Variants in SHROOM2 observed in about 807,000 individuals in gnomAD.
SHROOM2 encodes the protein protein Shroom2.
Under a neutral mutation model 75.9 loss-of-function variants are expected in SHROOM2, and 33 were observed. The observed-to-expected ratio is 0.43, with a 90% CI of 0.33 to 0.58. SHROOM2 has a LOEUF of 0.58. SHROOM2 is among the 20% of genes least tolerant of loss of function. The pLI, the probability that SHROOM2 is intolerant of heterozygous loss-of-function variation, is 0.04. For missense variants in SHROOM2, 1,434 were observed against 1,461.2 expected, an observed-to-expected ratio of 0.98 and a Z score of 0.30; for synonymous variants, 655 against 663.6, an observed-to-expected ratio of 0.99 and a Z score of 0.20.
Position 9,937,303 on chromosome X carries a change from T to C in SHROOM2, c.3757T>C (p.Ser1253Pro). The C allele has an allele frequency of 8.3e-7, 1 of 1,208,829 alleles. No homozygotes were observed. The highest frequency in any genetic ancestry group is 3.0e-5 in the East Asian group (1 of 33,637). ...AGACCAGATCAAGACGCTGAGCACA[T>C]CTGAGCAGTTCTACTCGCGCTTCTG... ...EKDQIKTLST[S>P]EQFYSRFCLY... The change falls in exon 7 of 10, where the codon TCT becomes CCT. Residue 1253 changes from serine (S) to proline (P), a missense_variant. By Grantham distance (74) the Ser-to-Pro change is moderately conservative (BLOSUM62 -1). Around this residue, in one of 3 missense-constraint regions of SHROOM2, gnomAD observed 1,340 missense variants for 1,338.3 expected, o/e 1.00. Coordinates refer to ENST00000380913, the MANE Select transcript of SHROOM2 (RefSeq NM_001649.4).
chrX:9,917,330 A>G (rs974116271), intron 5 of SHROOM2, among the ~76,000 whole-genome samples: 2 of 111,454 alleles, frequency 1.8e-5, no homozygotes, highest in Admixed American at 9.6e-5. Context: ...TGATGTTTTT[A>G]TGTTCATTTT....
chrX:9,889,444 C>T (rs1159246426), intron 2 of SHROOM2, among the ~76,000 whole-genome samples: 2 of 112,363 alleles, frequency 1.8e-5, no homozygotes, highest in Non-Finnish European at 3.8e-5. Flanking sequence ...GCTGTCAGTT[C>T]TGTCCCAAAT....
chrX:9,923,445 A>C (rs1046043445), intron 5 of SHROOM2, among the ~76,000 whole-genome samples: 1 of 112,714 alleles, frequency 8.9e-6, no homozygotes, highest in Non-Finnish European at 1.9e-5. Context: ...GAAGTGGGTA[A>C]GAAAGTGGGA....
chrX:9,937,144 G>C lies in SHROOM2; in HGVS notation c.3598G>C (p.Val1200Leu). 2.5e-6 allele frequency: 3 copies of C among 1,194,336 alleles called. No homozygotes were observed. The highest frequency in any genetic ancestry group is 2.3e-6 in the Non-Finnish European group (2 of 886,634). ...QDEDSTRIER[V>L]MDNNTTVKMV... ...CTGTTCATCTTCCAGAATTGAGCGG[G>C]TGATGGACAACAACACCACGGTGAA... The change falls in exon 7 of 10, where the codon GTG becomes CTG. Residue 1200 changes from valine to leucine, a missense_variant. By Grantham distance (32) the Val-to-Leu change is conservative. Transcript: ENST00000380913.
At chrX:9,792,297 TG>T (rs1313653760) in intron 1 of SHROOM2, among the ~76,000 whole-genome samples, 2 of 110,714 alleles carry the variant, frequency 1.8e-5, no homozygotes. Context: ...AGCTTCTCTT[TG>T]GGGGAACATG....
intron 3 of SHROOM2, among the ~76,000 whole-genome samples, chrX:9,891,922 TG>T (rs1220782395): frequency 9.1e-6 from 1 of 110,251 alleles, no homozygotes; most frequent in Non-Finnish European, 1.9e-5. Context: ...GGTATGTGTC[TG>T]TGTTTGGAGC....
intron 1 of SHROOM2, among the ~76,000 whole-genome samples, chrX:9,804,785 G>A (rs1043386278): frequency 7.2e-5 from 8 of 111,672 alleles, no homozygotes; most frequent in African/African-American, 2.6e-4. Context: ...CCAGTCTGGA[G>A]CCCTGGAGGG....
Position 9,894,468 on chromosome X carries a change from G to A in SHROOM2, c.560G>A (p.Arg187His), listed in dbSNP as rs746506810. 2.5e-6 allele frequency: 3 copies of A among 1,210,946 alleles called. No homozygotes were observed. The highest frequency in any genetic ancestry group is 3.4e-6 in the Non-Finnish European group (3 of 895,375). Reference protein sequence around the residue: ...SVDSLDHPSSRLSVAKSNSSI... With the variant: ...SVDSLDHPSSHLSVAKSNSSI... ...GACAGCCTGGACCACCCCTCCAGTC[G>A]CCTCTCGGTGGCCAAGTCCAACAGC... Residue 187 changes from arginine (R) to histidine (H), a missense_variant, in exon 4 of 10, where the codon CGC (arginine) becomes CAC (histidine). Arg to His is a conservative substitution (Grantham distance 29). Transcript: ENST00000380913.
intron 8 of SHROOM2, among the ~76,000 whole-genome samples, chrX:9,940,602 G>A (rs922426111): frequency 8.9e-6 from 1 of 112,087 alleles, no homozygotes; most frequent in Non-Finnish European, 1.9e-5. Flanking sequence ...ATGACTCAGC[G>A]GTCCTGTTTT....
chrX:9,941,029 A>G (rs2084764031), intron 8 of SHROOM2, among the ~76,000 whole-genome samples: 1 of 112,143 alleles, frequency 8.9e-6, no homozygotes, highest in African/African-American at 3.2e-5. Flanking sequence ...ATATGGTTTT[A>G]TACTTGGGGC....
At chrX:9,819,565 A>G (rs2083841374) in intron 1 of SHROOM2, 1 of 167,328 alleles carries the variant, frequency 6.0e-6, no homozygotes, top group Admixed American at 6.5e-5. Context: ...GACATAAACA[A>G]CTGCAAAAGT....
chrX:9,887,809 G>C (rs1355450117), intron 2 of SHROOM2, among the ~76,000 whole-genome samples: 1 of 113,016 alleles, frequency 8.8e-6, no homozygotes, highest in Admixed American at 9.3e-5. Flanking sequence ...GACAGTCGCA[G>C]GGGCGTAGCA....
chrX:9,924,833 T>G (rs1252179399), intron 5 of SHROOM2, among the ~76,000 whole-genome samples: 1 of 111,015 alleles, frequency 9.0e-6, no homozygotes, highest in Non-Finnish European at 1.9e-5. Context: ...TTTTTAATTT[T>G]TTTTTTATTT....
rs200385564 is a variant in SHROOM2 at position 9,882,493 on chromosome X, C to CT, written c.318-8475dup. Among the ~76,000 whole-genome samples, 636 of 110,005 alleles carry CT rather than the reference C, an allele frequency of 5.8e-3. 15 individuals carry two copies. The East Asian group carries it at 0.093, about 16-fold the overall frequency. ...GTTTGGATACTGGGACAGCGATCGT[C>CT]TTTTTTTTTCCTTTTCTTTCCAACA... On this transcript the variant is annotated intron_variant, in intron 2 of 9. Coordinates refer to ENST00000380913, the MANE Select transcript of SHROOM2 (RefSeq NM_001649.4).
At chrX:9,809,160 A>G (rs113229814) in intron 1 of SHROOM2, among the ~76,000 whole-genome samples, 1,654 of 109,227 alleles carry the variant, frequency 0.015, 9 homozygotes, top group Non-Finnish European at 0.024. Flanking sequence ...TTTATTAAGT[A>G]TTAACTCACA....
chrX:9,822,872 G>A (rs1214611348), intron 1 of SHROOM2, among the ~76,000 whole-genome samples: 1 of 112,059 alleles, frequency 8.9e-6, no homozygotes, highest in Non-Finnish European at 1.9e-5. Context: ...TCCCTTCTCT[G>A]AGGACTCCCA....
intron 7 of SHROOM2, 58 bp downstream of exon 7, chrX:9,937,743 G>C: frequency 1.0e-6 from 1 of 976,110 alleles, no homozygotes; most frequent in Non-Finnish European, 1.4e-6. Context: ...TCTTAGGCTT[G>C]TAAAGGGAAG....
intron 1 of SHROOM2, among the ~76,000 whole-genome samples, chrX:9,870,412 T>C (rs2084165160): frequency 8.9e-6 from 1 of 112,439 alleles, no homozygotes; most frequent in Admixed American, 9.5e-5. Context: ...TATGCTTTTC[T>C]CCAGACTCAT....
intron 1 of SHROOM2, among the ~76,000 whole-genome samples, chrX:9,826,600 C>T: frequency 9.1e-6 from 1 of 109,547 alleles, no homozygotes; most frequent in East Asian, 2.9e-4. Context: ...GGTGAGACCC[C>T]ATCTCTACAA....
Sources: allele counts gnomAD v4.1 joint callset (sites outside exome capture counted in the v4.1 genomes callset), GRCh38; gene constraint gnomAD v4.1.1; regional missense constraint gnomAD v4.1.1; transcripts MANE v1.5; gene names NCBI Gene and HGNC (gene_info 2026-07-23, HGNC 2026-07-21).